The following MBTD1 variants were observed in gnomAD, a reference collection of about 807,000 sequenced individuals.
MBTD1 encodes the protein MBT domain-containing protein 1.
MBTD1 carries 24 observed loss-of-function variants against 87.8 expected under a neutral mutation model. The observed-to-expected ratio is 0.27, with a 90% CI of 0.20 to 0.38. The LOEUF is 0.38. Ranked by LOEUF, MBTD1 falls within the 10% of genes least tolerant of loss-of-function variation. The pLI is 1.00. For missense variants in MBTD1, 436 were observed against 760.2 expected (o/e 0.57, Z 5.02); for synonymous variants, 237 against 248.6 (o/e 0.95, Z 0.44).
At chr17:51,196,741 A>G (rs1297456587) in intron 12 of MBTD1, among the ~76,000 whole-genome samples, 1 of 151,596 alleles carries the variant, frequency 6.6e-6, no homozygotes, top group Non-Finnish European at 1.5e-5. Context: ...AAATACAAAA[A>G]TTAGCCAGGC....
intron 2 of MBTD1, chr17:51,256,857 T>A (rs1248676290): frequency 6.6e-6 from 1 of 152,226 alleles, no homozygotes; most frequent in Non-Finnish European, 1.5e-5. Flanking sequence ...GCACAGGATC[T>A]TGTCCAACAA....
chr17:51,245,347 ATT>A (rs1472303427), intron 2 of MBTD1, among the ~76,000 whole-genome samples: 1 of 152,110 alleles, frequency 6.6e-6, no homozygotes, highest in Non-Finnish European at 1.5e-5. Context: ...GAAAATTGTG[ATT>A]TTGCACATGA....
intron 2 of MBTD1, among the ~76,000 whole-genome samples, chr17:51,258,234 C>T (rs942436949): frequency 3.9e-5 from 6 of 152,188 alleles, no homozygotes; most frequent in African/African-American, 1.2e-4. Flanking sequence ...CTACATTATA[C>T]CTGTTATGTC....
intron 2 of MBTD1, among the ~76,000 whole-genome samples, chr17:51,226,972 G>C (rs1201882372): frequency 6.6e-6 from 1 of 150,974 alleles, no homozygotes. Flanking sequence ...GCTGGGCGCG[G>C]TGACTCACGC....
intron 6 of MBTD1, chr17:51,209,563 ACTTCAAG>A (rs2052049514): frequency 2.2e-6 from 1 of 453,768 alleles, no homozygotes; most frequent in Non-Finnish European, 4.5e-6. Context: ...TATTTGCTGT[ACTTCAAG>A]ATCATTCCCA....
intron 6 of MBTD1, chr17:51,209,353 C>G (rs2052034528): frequency 2.1e-6 from 1 of 471,068 alleles, no homozygotes; most frequent in Middle Eastern, 3.2e-4. Context: ...CAGGCTCCTC[C>G]CAAACAAGGA....
chr17:51,241,358 G>T (rs941428774), intron 2 of MBTD1, among the ~76,000 whole-genome samples: 3 of 151,954 alleles, frequency 2.0e-5, no homozygotes, highest in African/African-American at 7.3e-5. Flanking sequence ...CAATCTATGG[G>T]GAGACACTTT....
chr17:51,193,119 A>G (rs563131975), intron 14 of MBTD1, 103 bp from the exon 15 acceptor site: 22 of 750,468 alleles, frequency 2.9e-5, no homozygotes, highest in Admixed American at 7.0e-5. Flanking sequence ...GCTAAATAAC[A>G]TAATTATAAA....
At chr17:51,196,225 C>CT (rs770871296) in intron 12 of MBTD1, among the ~76,000 whole-genome samples, 2,973 of 134,630 alleles carry the variant, frequency 0.022, 71 homozygotes, top group African/African-American at 0.058. Context: ...CCCACCCTGC[C>CT]TTTTTTTTTT....
chr17:51,234,608 A>G (rs978651300), intron 2 of MBTD1, among the ~76,000 whole-genome samples: 1 of 152,208 alleles, frequency 6.6e-6, no homozygotes, highest in African/African-American at 2.4e-5. Flanking sequence ...TAAATTTGTT[A>G]AAGATCTTCC....
chr17:51,214,000 C>T (rs972377638), intron 6 of MBTD1, among the ~76,000 whole-genome samples: 7 of 151,642 alleles, frequency 4.6e-5, no homozygotes, highest in East Asian at 1.9e-4. Context: ...AAAGACATAT[C>T]GGCCAATCAT....
At chr17:51,187,748 C>T (rs2050606405) in intron 16 of MBTD1, among the ~76,000 whole-genome samples, 1 of 151,560 alleles carries the variant, frequency 6.6e-6, no homozygotes, top group Non-Finnish European at 1.5e-5. Context: ...ACTTGGGAGG[C>T]TGAAGCAGGA....
chr17:51,255,404 T>C (rs755702334), intron 2 of MBTD1, among the ~76,000 whole-genome samples: 6 of 152,102 alleles, frequency 3.9e-5, no homozygotes, highest in Non-Finnish European at 7.4e-5. Flanking sequence ...TTAAAAAATA[T>C]ATTTGGAACT....
chr17:51,250,798 A>G (rs1456506037), intron 2 of MBTD1: 2 of 152,204 alleles, frequency 1.3e-5, no homozygotes, highest in Non-Finnish European at 2.9e-5. Flanking sequence ...CTTGAAGGAC[A>G]CCAATTATAT....
chr17:51,186,714 C>T (rs577113425), intron 16 of MBTD1, among the ~76,000 whole-genome samples: 7 of 149,914 alleles, frequency 4.7e-5, no homozygotes, highest in Non-Finnish European at 8.9e-5. Flanking sequence ...GCGGAGCTTG[C>T]AGTGAGCCGA....
Position 51,192,337 on chromosome 17 carries a change from C to T in MBTD1, c.1691-57G>A, listed in dbSNP as rs950549203. 13 of 1,201,688 alleles carry T rather than the reference C, an allele frequency of 1.1e-5. No individual in the cohort carries two copies. In the African/African-American group the frequency reaches 2.0e-4, roughly 18 times the overall value. 74.4% of individuals were successfully genotyped at this position (1,201,688 alleles called of 1,614,324 possible). On this transcript the variant is annotated intron_variant, in intron 15 of 16. Coordinates refer to ENST00000586178, the MANE Select transcript of MBTD1 (RefSeq NM_017643.3). The stretch of plus-strand genomic sequence containing the variant: ...ATAATTGTTTACAATTTAGACGATA[C>T]AGTTGTCTAGATACAACTTATATGA...
intron 2 of MBTD1, among the ~76,000 whole-genome samples, chr17:51,238,868 G>A (rs922831485): frequency 1.3e-5 from 2 of 152,206 alleles, no homozygotes; most frequent in African/African-American, 4.8e-5. Flanking sequence ...GGGAGGCTGA[G>A]GTGGATGGAT....
At chr17:51,225,238 T>A in intron 2 of MBTD1, 29 bp from the exon 3 acceptor site, 2 of 1,358,094 alleles carry the variant, frequency 1.5e-6, no homozygotes, top group Non-Finnish European at 2.0e-6. Flanking sequence ...CAGTGACACA[T>A]GACACAACAC....
Position 51,193,016 on chromosome 17 carries a change from C to A in MBTD1, c.1456G>T (p.Asp486Tyr), listed in dbSNP as rs762551075. The A allele has an allele frequency of 1.1e-5, 17 of 1,600,802 alleles. No individual in the cohort carries two copies. Among genetic ancestry groups the A allele is most frequent in the Non-Finnish European group, 1.5e-5 (17 of 1,168,206 alleles). Residue 486 changes from aspartate to tyrosine, a missense_variant and splice_region_variant, in exon 15 of 17, where the codon GAT becomes TAT. Physicochemically the swap from Asp to Tyr is radical, Grantham distance 160. Around this residue, in one of 5 missense-constraint regions of MBTD1, gnomAD observed 80 missense variants for 182.2 expected, o/e 0.44. Coordinates refer to ENST00000586178, the MANE Select transcript of MBTD1 (RefSeq NM_017643.3). The stretch of plus-strand genomic sequence containing the variant: ...ACACGAAATCCGTGATTTGGAACAT[C>A]CTGACACAGAGAAGAAAACATTAAT... ...IAAPVKLFNK[D>Y]VPNHGFRVGM...
Sources: allele counts gnomAD v4.1 joint callset (sites outside exome capture counted in the v4.1 genomes callset), GRCh38; gene constraint gnomAD v4.1.1; regional missense constraint gnomAD v4.1.1; transcripts MANE v1.5; gene names NCBI Gene and HGNC (gene_info 2026-07-23, HGNC 2026-07-21).